ATRNL1: variants seen among roughly 807,000 people sequenced by gnomAD.
ATRNL1 encodes the protein attractin-like protein 1.
A neutral mutation model predicts 182.7 loss-of-function variants in ATRNL1; 95 were observed. The ratio of observed to expected loss-of-function variants is 0.52; its 90% CI spans 0.44 to 0.62. The LOEUF (loss-of-function observed/expected upper bound fraction) is 0.62. ATRNL1 is among the 20% of genes least tolerant of loss of function. The pLI, the probability that ATRNL1 is intolerant of heterozygous loss-of-function variation, is 0.00. For synonymous variants in ATRNL1, 576 were observed against 568.3 expected, an observed-to-expected ratio of 1.01 and a Z score of -0.19; for missense variants, 1,471 against 1,679.5, an observed-to-expected ratio of 0.88 and a Z score of 2.17.
At chr10:115,762,313 T>C (rs1328983704) in intron 27 of ATRNL1, among the ~76,000 whole-genome samples, 1 of 152,192 alleles carries the variant, frequency 6.6e-6, no homozygotes, top group Non-Finnish European at 1.5e-5. Context: ...TCAGAAAGCC[T>C]GCCTGGTCTT....
chr10:115,462,130 T>C, intron 22 of ATRNL1, 95 bp downstream of exon 22: 2 of 745,406 alleles, frequency 2.7e-6, no homozygotes, highest in Non-Finnish European at 4.2e-6. Context: ...AATTATCACA[T>C]TGTAGGGCCT....
intron 28 of ATRNL1, among the ~76,000 whole-genome samples, chr10:115,871,831 A>C (rs948044483): frequency 6.6e-6 from 1 of 152,204 alleles, no homozygotes; most frequent in East Asian, 1.9e-4. Context: ...GATAGATTGC[A>C]CTTCCTGGAC....
chr10:115,424,920 A>G (rs1203568904), intron 20 of ATRNL1, among the ~76,000 whole-genome samples: 5 of 152,280 alleles, frequency 3.3e-5, no homozygotes, highest in Non-Finnish European at 5.9e-5. Context: ...GAAAACTACC[A>G]TCAATGACAA....
At chr10:115,281,246 A>G (rs1554916671) in intron 13 of ATRNL1, 109 bp from the exon 14 acceptor site, 1 of 836,310 alleles carries the variant, frequency 1.2e-6, no homozygotes, top group East Asian at 2.9e-5. Flanking sequence ...TTGTATTTGG[A>G]GTTAGAAATG....
At chr10:115,676,717 CA>C (rs1437794077) in intron 26 of ATRNL1, among the ~76,000 whole-genome samples, 2 of 151,478 alleles carry the variant, frequency 1.3e-5, no homozygotes, top group Non-Finnish European at 2.9e-5. Flanking sequence ...AAACATAAGT[CA>C]GGGGAAAGGA....
chr10:115,257,014 G>C (rs544449837), intron 10 of ATRNL1, among the ~76,000 whole-genome samples: 3 of 152,254 alleles, frequency 2.0e-5, no homozygotes, highest in East Asian at 3.9e-4. Flanking sequence ...TGTGATTTCT[G>C]TTCTTTTACA....
chr10:115,167,747 C>T (rs1762228651), intron 7 of ATRNL1, among the ~76,000 whole-genome samples: 1 of 152,056 alleles, frequency 6.6e-6, no homozygotes, highest in Admixed American at 6.6e-5. Flanking sequence ...CATATACCTA[C>T]ATTTTTTGCC....
In ATRNL1 at chr10:115,301,811, A is replaced by G. The variant is rs146839107; in HGVS notation, c.2630-44A>G. ...AGAAAACCCATACAATTGTGTTAAC[A>G]TGAAGTTAAAAATGAAATTATTGTA... On this transcript the variant is annotated intron_variant, in intron 16 of 28. Transcript: ENST00000355044. 7.5e-4 allele frequency: 1,110 copies of G among 1,488,554 alleles called. 6 individuals carry two copies. The African/African-American group carries it at 0.012, about 17-fold the overall frequency. The allele number at this position is 1,488,554 out of a possible 1,614,324, so 92.2% of individuals were successfully genotyped here. A position where few individuals can be genotyped will look rare whatever the true frequency, so the allele number is the denominator to read the frequency against.
intron 26 of ATRNL1, among the ~76,000 whole-genome samples, chr10:115,621,276 T>TATAGAGAGAGAGAGAGAGAG (rs1268020830): frequency 8.4e-5 from 4 of 47,584 alleles, no homozygotes; most frequent in South Asian, 2.1e-3. Flanking sequence ...TATATATATA[T>TATAGAGAGAGAGAGAGAGAG]AGAGAGAGAG....
At chr10:115,435,996 G>A (rs1003502938) in intron 21 of ATRNL1, among the ~76,000 whole-genome samples, 1 of 152,086 alleles carries the variant, frequency 6.6e-6, no homozygotes, top group Non-Finnish European at 1.5e-5. Flanking sequence ...TATTTTAGCT[G>A]TATGAGCAAG....
At chr10:115,600,929 C>CTTTTTTTTTTTTTT (rs58476140) in intron 26 of ATRNL1, among the ~76,000 whole-genome samples, 1 of 129,864 alleles carries the variant, frequency 7.7e-6, no homozygotes, top group African/African-American at 2.7e-5. Context: ...TTTTTATTTT[C>CTTTTTTTTTTTTTT]TTTTTTTTTT....
At chr10:115,327,018 G>A (rs1246532390) in intron 18 of ATRNL1, among the ~76,000 whole-genome samples, 1 of 151,864 alleles carries the variant, frequency 6.6e-6, no homozygotes, top group Non-Finnish European at 1.5e-5. Context: ...CAGGACATAG[G>A]CATGGGCAAG....
intron 26 of ATRNL1, among the ~76,000 whole-genome samples, chr10:115,613,739 T>C (rs1555019822): frequency 6.6e-6 from 1 of 152,092 alleles, no homozygotes; most frequent in Non-Finnish European, 1.5e-5. Context: ...TTTTTCTTGG[T>C]TCAATCTTGG....
intron 25 of ATRNL1, among the ~76,000 whole-genome samples, chr10:115,533,431 G>C (rs1473419451): frequency 2.8e-4 from 43 of 151,054 alleles, no homozygotes; most frequent in African/African-American, 7.6e-4. Context: ...TTGTATTTCT[G>C]TGGGATCAGT....
At chr10:115,233,934 G>GT (rs1269325717) in intron 9 of ATRNL1, among the ~76,000 whole-genome samples, 2,000 of 151,078 alleles carry the variant, frequency 0.013, 41 homozygotes, top group African/African-American at 0.046. Context: ...ATTTGCACAT[G>GT]TTTTTTTTGA....
At chr10:115,441,432 C>G (rs781966252) in intron 21 of ATRNL1, among the ~76,000 whole-genome samples, 10 of 151,892 alleles carry the variant, frequency 6.6e-5, no homozygotes, top group Non-Finnish European at 1.2e-4. Context: ...ACCACAGAGT[C>G]GAACAGTTGA....
chr10:115,857,306 AG>A (rs1951212593), intron 28 of ATRNL1, among the ~76,000 whole-genome samples: 1 of 152,192 alleles, frequency 6.6e-6, no homozygotes, highest in Non-Finnish European at 1.5e-5. Flanking sequence ...TAAACTGCAC[AG>A]GGGGTTGGCA....
At chr10:115,404,272 C>T (rs1237385917) in intron 20 of ATRNL1, among the ~76,000 whole-genome samples, 4 of 152,108 alleles carry the variant, frequency 2.6e-5, no homozygotes, top group Admixed American at 2.6e-4. Flanking sequence ...TGAAAACATT[C>T]TGAACACAAC....
chr10:115,510,149 G>A (rs782286230), intron 24 of ATRNL1, among the ~76,000 whole-genome samples: 14 of 152,040 alleles, frequency 9.2e-5, no homozygotes, highest in Non-Finnish European at 2.1e-4. Flanking sequence ...TTATGGATGA[G>A]TAAATAAAGT....
Sources: gnomAD v4.1 joint callset for allele counts (sites outside exome capture counted in the v4.1 genomes callset) on GRCh38, gnomAD v4.1.1 for gene constraint, MANE v1.5 for transcripts, NCBI Gene and HGNC (gene_info 2026-07-23, HGNC 2026-07-21) for gene names.